The following TPST2 variants were observed in gnomAD, a reference collection of about 807,000 sequenced individuals.
TPST2 encodes protein-tyrosine sulfotransferase 2.
TPST2 carries 16 observed loss-of-function variants against 27.8 expected under a neutral mutation model. The observed-to-expected ratio is 0.58, with a 90% CI of 0.39 to 0.88. TPST2 has a LOEUF of 0.88. Ranked by LOEUF, TPST2 falls within the 40% of genes least tolerant of loss-of-function variation. TPST2 has a pLI of 0.00. For missense variants in TPST2, 464 were observed against 543.1 expected (o/e 0.85, Z 1.45); for synonymous variants, 229 against 231.7 (o/e 0.99, Z 0.10).
chr22:26,542,014 C>T (rs938698069), intron 2 of TPST2, among the ~76,000 whole-genome samples: 16 of 151,968 alleles, frequency 1.1e-4, no homozygotes, highest in Non-Finnish European at 2.1e-4. Flanking sequence ...GCCACCCGGT[C>T]CAGCGGATCA....
At chr22:26,587,529 CG>C (rs1256005864) in intron 1 of TPST2, among the ~76,000 whole-genome samples, 1 of 152,050 alleles carries the variant, frequency 6.6e-6, no homozygotes. Flanking sequence ...TTAGTAGAGA[CG>C]GGGTTTCACC....
intron 1 of TPST2, among the ~76,000 whole-genome samples, chr22:26,564,340 C>T (rs1927278517): frequency 6.6e-6 from 1 of 152,244 alleles, no homozygotes; most frequent in African/African-American, 2.4e-5. Context: ...AGGGAGCAGG[C>T]TTAGTGGGCT....
intron 1 of TPST2, among the ~76,000 whole-genome samples, chr22:26,571,107 G>A (rs1002528194): frequency 4.6e-5 from 7 of 152,092 alleles, no homozygotes; most frequent in Admixed American, 2.0e-4. Flanking sequence ...CTTTACTCAG[G>A]AAAAACCAGT....
intron 1 of TPST2, among the ~76,000 whole-genome samples, chr22:26,571,611 A>G (rs1927627908): frequency 6.6e-6 from 1 of 152,104 alleles, no homozygotes; most frequent in Admixed American, 6.5e-5. Context: ...AGGCCACAGA[A>G]TCCTGACCGG....
chr22:26,555,191 T>A (rs751278896), intron 1 of TPST2: 1 of 533,796 alleles, frequency 1.9e-6, no homozygotes. Flanking sequence ...GCTCCCTCTC[T>A]GTGAAACACC....
intron 1 of TPST2, among the ~76,000 whole-genome samples, chr22:26,573,590 G>A (rs1164915040): frequency 8.5e-5 from 13 of 152,230 alleles, no homozygotes; most frequent in Non-Finnish European, 1.5e-5. Context: ...GTTTTGCAAT[G>A]GCTGATGGCC....
intron 4 of TPST2, among the ~76,000 whole-genome samples, 163 bp from the exon 5 acceptor site, chr22:26,532,908 A>C (rs1191665053): frequency 1.3e-5 from 2 of 152,186 alleles, no homozygotes; most frequent in Non-Finnish European, 2.9e-5. Flanking sequence ...CATTATTCTA[A>C]GCATTGTGTC....
intron 1 of TPST2, among the ~76,000 whole-genome samples, chr22:26,569,819 C>T (rs1927529355): frequency 6.6e-6 from 1 of 151,162 alleles, no homozygotes; most frequent in South Asian, 2.1e-4. Context: ...GGCGTGGTCG[C>T]AGGCACCTGT....
At chr22:26,562,355 GA>G (rs765670350) in intron 1 of TPST2, among the ~76,000 whole-genome samples, 3 of 152,162 alleles carry the variant, frequency 2.0e-5, no homozygotes, top group Non-Finnish European at 4.4e-5. Flanking sequence ...CCCCCACCAT[GA>G]GCCAGACACT....
intron 1 of TPST2, among the ~76,000 whole-genome samples, chr22:26,579,270 A>G (rs1927992148): frequency 6.6e-6 from 1 of 152,226 alleles, no homozygotes; most frequent in Non-Finnish European, 1.5e-5. Context: ...AGCAGAATGA[A>G]GGGCAAAGGC....
intron 2 of TPST2, among the ~76,000 whole-genome samples, chr22:26,543,750 G>A (rs942538390): frequency 6.6e-6 from 1 of 152,220 alleles, no homozygotes; most frequent in African/African-American, 2.4e-5. Context: ...TCCTGGATCA[G>A]ACCAGGCCAA....
At chr22:26,553,578 C>T (rs577668136) in intron 1 of TPST2, among the ~76,000 whole-genome samples, 1 of 152,060 alleles carries the variant, frequency 6.6e-6, no homozygotes, top group East Asian at 1.9e-4. Context: ...ACTATGTTGC[C>T]CAGGCCAGTC....
At chr22:26,554,192 C>T (rs1926651671) in intron 1 of TPST2, among the ~76,000 whole-genome samples, 3 of 152,170 alleles carry the variant, frequency 2.0e-5, no homozygotes, top group Admixed American at 2.0e-4. Context: ...CTCTTAACTA[C>T]CTCTTCCAAA....
intron 1 of TPST2, among the ~76,000 whole-genome samples, chr22:26,555,778 GCAC>G (rs1926761991): frequency 6.6e-6 from 1 of 152,214 alleles, no homozygotes; most frequent in East Asian, 1.9e-4. Context: ...CAACAGACAG[GCAC>G]CACAACAAAG....
intron 1 of TPST2, among the ~76,000 whole-genome samples, chr22:26,569,176 T>C (rs572371984): frequency 1.3e-5 from 2 of 152,332 alleles, no homozygotes; most frequent in South Asian, 4.1e-4. Flanking sequence ...CCCTGAATTC[T>C]TTCTTGCACA....
At chr22:26,548,590 G>GAAGGAAGC (rs1926262611) in intron 1 of TPST2, among the ~76,000 whole-genome samples, 1 of 121,922 alleles carries the variant, frequency 8.2e-6, no homozygotes, top group Non-Finnish European at 1.7e-5. Context: ...AGGAAGGAAG[G>GAAGGAAGC]AAGCAAGCAA....
chr22:26,537,751 C>T (rs188199042), intron 3 of TPST2, among the ~76,000 whole-genome samples: 62 of 152,300 alleles, frequency 4.1e-4, no homozygotes, highest in Middle Eastern at 3.4e-3. Context: ...CTGTGCCTGG[C>T]CAACACATTG....
intron 1 of TPST2, among the ~76,000 whole-genome samples, chr22:26,567,323 G>T (rs1306666040): frequency 6.6e-6 from 1 of 152,214 alleles, no homozygotes; most frequent in East Asian, 1.9e-4. Flanking sequence ...CCCCTCCAAG[G>T]GTAGGAAATG....
intron 1 of TPST2, among the ~76,000 whole-genome samples, chr22:26,558,994 A>G (rs1926946244): frequency 6.6e-6 from 1 of 152,240 alleles, no homozygotes; most frequent in South Asian, 2.1e-4. Flanking sequence ...TTTTTCATGG[A>G]TATTTTTGCA....
Sources: gnomAD v4.1 joint callset for allele counts (sites outside exome capture counted in the v4.1 genomes callset) on GRCh38, gnomAD v4.1.1 for gene constraint, MANE v1.5 for transcripts, NCBI Gene and HGNC (gene_info 2026-07-23, HGNC 2026-07-21) for gene names.